ESRRG: variants seen among roughly 807,000 people sequenced by gnomAD.
ESRRG encodes estrogen related receptor gamma, also known as estrogen-related receptor gamma.
In ESRRG, 13 loss-of-function variants were observed where a neutral mutation model predicts 44.0. The observed-to-expected ratio is 0.30, with a 90% CI of 0.19 to 0.47. The LOEUF (loss-of-function observed/expected upper bound fraction) is 0.47, where lower values mean the gene tolerates loss of function less well. Ranked by LOEUF, ESRRG falls within the 20% of genes least tolerant of loss-of-function variation. The pLI is 1.00. For missense variants in ESRRG, 395 were observed against 580.6 expected, an observed-to-expected ratio of 0.68 and a Z score of 3.29; for synonymous variants, 215 against 214.6, an observed-to-expected ratio of 1.00 and a Z score of -0.02.
At chr1:217,021,049 T>TACAC (rs10655764) in intron 1 of ESRRG, among the ~76,000 whole-genome samples, 6,218 of 145,280 alleles carry the variant, frequency 0.043, 381 homozygotes, top group African/African-American at 0.13. Context: ...CTGCCATGCA[T>TACAC]ACACACACAC....
chr1:216,911,313 C>T (rs1198238182), intron 2 of ESRRG, among the ~76,000 whole-genome samples: 3 of 152,020 alleles, frequency 2.0e-5, no homozygotes, highest in Admixed American at 6.6e-5. Flanking sequence ...AACTATCAAG[C>T]CATGAAAAGA....
At chr1:216,894,422 A>G (rs1419031400) in intron 2 of ESRRG, among the ~76,000 whole-genome samples, 1 of 152,156 alleles carries the variant, frequency 6.6e-6, no homozygotes, top group Non-Finnish European at 1.5e-5. Context: ...AATGAACTAC[A>G]CCAGCCAGGT....
intron 2 of ESRRG, among the ~76,000 whole-genome samples, chr1:216,653,034 A>G (rs2069403868): frequency 6.6e-6 from 1 of 152,204 alleles, no homozygotes; most frequent in Admixed American, 6.5e-5. Context: ...AAAAGTCAGT[A>G]TGAAGTAACA....
chr1:216,861,671 TA>T (rs2096057083), intron 2 of ESRRG, among the ~76,000 whole-genome samples: 1 of 152,066 alleles, frequency 6.6e-6, no homozygotes, highest in Admixed American at 6.6e-5. Context: ...ATGAAAAGCA[TA>T]ACCCATTAAA....
At chr1:216,761,162 TAA>T (rs200782490) in intron 2 of ESRRG, among the ~76,000 whole-genome samples, 13 of 147,310 alleles carry the variant, frequency 8.8e-5, no homozygotes, top group South Asian at 6.4e-4. Flanking sequence ...ACTACACAAA[TAA>T]AAAAAAAAAA....
chr1:216,534,470 T>C (rs1202765558), intron 5 of ESRRG, among the ~76,000 whole-genome samples: 1 of 152,134 alleles, frequency 6.6e-6, no homozygotes, highest in Non-Finnish European at 1.5e-5. Flanking sequence ...CGATTATAGC[T>C]CATGAGTATC....
At chr1:216,678,285 T>C (rs1238509071) in intron 1 of ESRRG, among the ~76,000 whole-genome samples, 1 of 152,248 alleles carries the variant, frequency 6.6e-6, no homozygotes, top group Non-Finnish European at 1.5e-5. Flanking sequence ...TTCTTATGTG[T>C]GATTTGCCAT....
At chr1:217,048,483 C>A (rs944060431) in intron 1 of ESRRG, among the ~76,000 whole-genome samples, 1 of 152,114 alleles carries the variant, frequency 6.6e-6, no homozygotes, top group African/African-American at 2.4e-5. Flanking sequence ...GGCTGCATGA[C>A]CAGGCCAACA....
At chr1:217,023,478 G>A (rs934438194) in intron 1 of ESRRG, among the ~76,000 whole-genome samples, 1 of 152,212 alleles carries the variant, frequency 6.6e-6, no homozygotes, top group Non-Finnish European at 1.5e-5. Flanking sequence ...CAATGCAGGG[G>A]TAGAGCCTGG....
At chr1:216,763,075 T>C (rs2092883402) in intron 2 of ESRRG, among the ~76,000 whole-genome samples, 1 of 152,106 alleles carries the variant, frequency 6.6e-6, no homozygotes, top group Non-Finnish European at 1.5e-5. Context: ...AATGGGTTAG[T>C]GCAGGCAAGA....
intron 2 of ESRRG, among the ~76,000 whole-genome samples, chr1:216,852,060 G>C (rs1255693637): frequency 6.6e-6 from 1 of 152,212 alleles, no homozygotes; most frequent in Non-Finnish European, 1.5e-5. Context: ...TGAGAAGTTT[G>C]TCAGATAGAT....
chr1:216,750,938 T>C (rs1342572449), intron 2 of ESRRG, among the ~76,000 whole-genome samples: 1 of 152,162 alleles, frequency 6.6e-6, no homozygotes, highest in Non-Finnish European at 1.5e-5. Context: ...TAAAATCACC[T>C]AATCAGAAAA....
chr1:217,015,205 G>C (rs751305122), intron 1 of ESRRG, among the ~76,000 whole-genome samples: 1 of 152,142 alleles, frequency 6.6e-6, no homozygotes, highest in Non-Finnish European at 1.5e-5. Context: ...TGCAGGGGCT[G>C]ATTGTTTGCA....
At chr1:217,025,949 G>T (rs2081113980) in intron 1 of ESRRG, among the ~76,000 whole-genome samples, 1 of 151,992 alleles carries the variant, frequency 6.6e-6, no homozygotes, top group South Asian at 2.1e-4. Context: ...ATAATACATG[G>T]CCTGAGATGA....
intron 2 of ESRRG, among the ~76,000 whole-genome samples, chr1:216,861,499 C>A (rs990204772): frequency 6.6e-6 from 1 of 151,784 alleles, no homozygotes; most frequent in African/African-American, 2.4e-5. Flanking sequence ...AATTATTATA[C>A]GTCAATTAAA....
intron 6 of ESRRG, among the ~76,000 whole-genome samples, chr1:216,513,112 T>C (rs2043192982): frequency 6.6e-6 from 1 of 152,206 alleles, no homozygotes; most frequent in African/African-American, 2.4e-5. Flanking sequence ...AGCCATCAAG[T>C]TATGGTCATT....
intron 6 of ESRRG, among the ~76,000 whole-genome samples, chr1:216,515,678 T>C (rs1312408422): frequency 6.6e-6 from 1 of 152,124 alleles, no homozygotes; most frequent in African/African-American, 2.4e-5. Flanking sequence ...TGAAAAATGT[T>C]TATTCTTGAA....
At chr1:216,618,260 T>C (rs1024121342) in intron 3 of ESRRG, among the ~76,000 whole-genome samples, 2 of 152,256 alleles carry the variant, frequency 1.3e-5, no homozygotes, top group African/African-American at 2.4e-5. Context: ...TATACCCTGA[T>C]AGATTTGCGT....
At chr1:216,684,809 G>A (rs990360675) in intron 1 of ESRRG, among the ~76,000 whole-genome samples, 2 of 152,158 alleles carry the variant, frequency 1.3e-5, no homozygotes, top group Non-Finnish European at 2.9e-5. Context: ...AACAGTAGGG[G>A]GGAAATACCA....
Sources: gnomAD v4.1 joint callset for allele counts (sites outside exome capture counted in the v4.1 genomes callset) on GRCh38, gnomAD v4.1.1 for gene constraint, MANE v1.5 for transcripts, NCBI Gene and HGNC (gene_info 2026-07-23, HGNC 2026-07-21) for gene names.